Variants in CCDC34 observed in about 807,000 individuals in gnomAD.
CCDC34 encodes coiled-coil domain containing 34.
A neutral mutation model predicts 44.1 loss-of-function variants in CCDC34; 40 were observed. The ratio of observed to expected loss-of-function variants is 0.91; its 90% CI spans 0.70 to 1.18. The LOEUF is 1.18. Among genes scored for constraint, CCDC34 ranks in the 50% most tolerant of loss-of-function variants. The pLI is 0.00. For synonymous variants in CCDC34, 159 were observed against 158.2 expected, an observed-to-expected ratio of 1.01 and a Z score of -0.04; for missense variants, 466 against 452.3, an observed-to-expected ratio of 1.03 and a Z score of -0.28.
intron 3 of CCDC34, among the ~76,000 whole-genome samples, chr11:27,345,489 T>A (rs1349312098): frequency 6.6e-6 from 1 of 152,102 alleles, no homozygotes; most frequent in African/African-American, 2.4e-5. Context: ...CCTGTGTCCA[T>A]GTGTTCTCAT....
At chr11:27,350,573 A>ATATGCTCC in intron 2 of CCDC34, 134 bp from the exon 3 acceptor site, 1 of 760,048 alleles carries the variant, frequency 1.3e-6, no homozygotes, top group Non-Finnish European at 2.0e-6. Context: ...CACTAGTGGC[A>ATATGCTCC]ATAACTTACT....
At chr11:27,349,487 A>T in intron 3 of CCDC34, 1 of 878,854 alleles carries the variant, frequency 1.1e-6, no homozygotes, top group Non-Finnish European at 1.4e-6. Context: ...CAATAAAGAT[A>T]AAAAGTTAGA....
chr11:27,339,126 T>A (rs1265259636), intron 5 of CCDC34, 91 bp from the exon 6 acceptor site: 1 of 883,868 alleles, frequency 1.1e-6, no homozygotes, highest in Admixed American at 2.8e-5. Context: ...TGTTAAAATG[T>A]CAAATGGACA....
At chr11:27,343,645 TTACCTA>T (rs1862394974) in intron 3 of CCDC34, among the ~76,000 whole-genome samples, 1 of 152,214 alleles carries the variant, frequency 6.6e-6, no homozygotes. Context: ...CTCCACAACT[TTACCTA>T]TAAGAAATCA....
rs192701233 is a variant in CCDC34 at position 27,360,983 on chromosome 11, G to A, written c.359+1853C>T. Among the ~76,000 whole-genome samples, 166 of 152,294 alleles carry A rather than the reference G, an allele frequency of 1.1e-3. 1 individual carries two copies. Among genetic ancestry groups the A allele is most frequent in the Non-Finnish European group, 2.0e-3 (137 of 68,014 alleles). ...TCTAAAAATCTACCTTTCCTGAAAG[G>A]AAGTGCTAAGTTTCTGAAGCATTTG... On this transcript the variant is annotated intron_variant, in intron 1 of 5. Transcript: ENST00000328697.
chr11:27,347,295 A>C (rs1316866902), intron 3 of CCDC34, among the ~76,000 whole-genome samples: 1 of 152,188 alleles, frequency 6.6e-6, no homozygotes, highest in Non-Finnish European at 1.5e-5. Context: ...ACTTTAGACA[A>C]ATGTTTGGCA....
chr11:27,361,434 C>T (rs1431439398), intron 1 of CCDC34, among the ~76,000 whole-genome samples: 1 of 152,184 alleles, frequency 6.6e-6, no homozygotes, highest in East Asian at 1.9e-4. Flanking sequence ...TTCCTAAAGC[C>T]TTCAAATTTA....
chr11:27,361,445 C>T (rs1308385886), intron 1 of CCDC34, among the ~76,000 whole-genome samples: 1 of 152,230 alleles, frequency 6.6e-6, no homozygotes, highest in Admixed American at 6.5e-5. Flanking sequence ...TTCAAATTTA[C>T]TTTAAATACC....
intron 3 of CCDC34, chr11:27,349,199 T>A: frequency 2.1e-6 from 2 of 965,952 alleles, no homozygotes; most frequent in Non-Finnish European, 2.5e-6. Flanking sequence ...TAGTTACAAA[T>A]TTCAAAAAGA....
At position 27,340,727 on chromosome 11, in the gene CCDC34, C is replaced by T; in HGVS notation, c.876G>A (p.Lys292=). 6.2e-7 allele frequency: 1 copy of T among 1,613,440 alleles called. No homozygotes were observed. The change falls in exon 5 of 6, where the codon AAG becomes AAA. Residue 292 remains lysine, a synonymous_variant. Transcript: ENST00000328697. Reference sequence around the variant, plus strand: ...GTTTTCCATTGGCATAACCATAGCTCTTTGCAGCTGGACGAGGTTTATGTT... The same window carrying T: ...GTTTTCCATTGGCATAACCATAGCTTTTTGCAGCTGGACGAGGTTTATGTT... ...NAKHKPRPAA[K]SYGYANGKLT...
intron 2 of CCDC34, among the ~76,000 whole-genome samples, chr11:27,353,912 C>A (rs929275620): frequency 6.6e-6 from 1 of 152,112 alleles, no homozygotes; most frequent in Admixed American, 6.5e-5. Flanking sequence ...GAAGCCTTGG[C>A]AAAATTACTT....
intron 3 of CCDC34, among the ~76,000 whole-genome samples, chr11:27,343,334 G>A (rs566922756): frequency 4.6e-5 from 7 of 151,858 alleles, no homozygotes; most frequent in South Asian, 4.2e-4. Context: ...CCCAGGAGGC[G>A]GAGGTTGCAG....
rs1001403863 is a variant in CCDC34, at chr11:27,340,575, T to G, written c.907+121A>C. The stretch of plus-strand genomic sequence containing the variant: ...AACATGACATGTTTATAATATAATC[T>G]TCTGGAAAATAGTAATTTGAAAGAA... On this transcript the variant is annotated intron_variant, in intron 5 of 5. Coordinates refer to ENST00000328697, the MANE Select transcript of CCDC34 (RefSeq NM_030771.2). 7.0e-6 allele frequency: 7 copies of G among 1,000,162 alleles called. No homozygotes were observed. In the African/African-American group the frequency reaches 8.3e-5, roughly 12 times the overall value. 62.0% of individuals were successfully genotyped at this position (1,000,162 alleles called of 1,614,324 possible).
intron 3 of CCDC34, chr11:27,349,600 C>T (rs1296549664): frequency 2.0e-6 from 2 of 981,552 alleles, no homozygotes; most frequent in South Asian, 4.7e-5. Flanking sequence ...GTAAAAATCA[C>T]AACAGAAGAC....
rs191664134 is a variant in CCDC34 at position 27,351,818 on chromosome 11, T to C, written c.499-1379A>G. On this transcript the variant is annotated intron_variant, in intron 2 of 5. Transcript: ENST00000328697. ...CCAGGCTAGTCAGAAATGAGCACCA[T>C]ACAAGGAACAGTGAAAAGATGGCTT... Among the ~76,000 whole-genome samples, 108 of 152,178 alleles carry C rather than the reference T, an allele frequency of 7.1e-4. No homozygotes were observed. The Middle Eastern group carries it at 0.014, about 19-fold the overall frequency.
At position 27,362,729 on chromosome 11, in the gene CCDC34, C is replaced by T. The variant is rs931072746; in HGVS notation, c.359+107G>A. The T allele has an allele frequency of 8.2e-6, 11 of 1,339,422 alleles. No homozygotes were observed. In the African/African-American group the frequency reaches 1.5e-4, roughly 18 times the overall value. The allele number at this position is 1,339,422 out of a possible 1,614,324, so 83.0% of individuals were successfully genotyped here. Reference sequence around the variant, plus strand: ...CCACGGCACCTCAGTCTGCAAGTGCCTGCTCTGCCTTTGGGGCGGAGGGCA... The same window carrying T: ...CCACGGCACCTCAGTCTGCAAGTGCTTGCTCTGCCTTTGGGGCGGAGGGCA... On this transcript the variant is annotated intron_variant, in intron 1 of 5. Transcript: ENST00000328697.
chr11:27,358,765 A>G lies in CCDC34; in HGVS notation c.360-1224T>C, dbSNP rs546002463. On this transcript the variant is annotated intron_variant, in intron 1 of 5. Coordinates refer to ENST00000328697, the MANE Select transcript of CCDC34 (RefSeq NM_030771.2). ...AGATCCTTATTTCCAACTATGTGAT[A>G]CATAACTCAACTTAAATATCAATCA... 4.6e-5 allele frequency among the ~76,000 whole-genome samples: 7 copies of G among 152,248 alleles called. No homozygotes were observed. The South Asian group carries it at 1.5e-3, about 32-fold the overall frequency.
Position 27,356,173 on chromosome 11 carries a change from C to A in CCDC34, c.498+1230G>T, listed in dbSNP as rs572165920. Reference sequence around the variant, plus strand: ...AGCTGGGATTACAGGCATGCACCACCACGCCCAGATAATTTTGTATTTTTA... The same window carrying A: ...AGCTGGGATTACAGGCATGCACCACAACGCCCAGATAATTTTGTATTTTTA... On this transcript the variant is annotated intron_variant, in intron 2 of 5. Coordinates refer to ENST00000328697, the MANE Select transcript of CCDC34 (RefSeq NM_030771.2). 7.3e-5 allele frequency among the ~76,000 whole-genome samples: 11 copies of A among 151,724 alleles called. No homozygotes were observed. In the East Asian group the frequency reaches 2.1e-3, roughly 29 times the overall value.
At position 27,359,248 on chromosome 11, in the gene CCDC34, C is replaced by T. The variant is rs945734545; in HGVS notation, c.360-1707G>A. Among the ~76,000 whole-genome samples, 7 of 152,156 alleles carry T rather than the reference C, an allele frequency of 4.6e-5. No individual in the cohort carries two copies. The East Asian group carries it at 1.2e-3, about 25-fold the overall frequency. ...TTAGCCTGACACCCATGAATCTGCC[C>T]TTTGCCTATCTTCCAGCCTCTTCTT... On this transcript the variant is annotated intron_variant, in intron 1 of 5. Coordinates refer to ENST00000328697, the MANE Select transcript of CCDC34 (RefSeq NM_030771.2).
Sources: allele counts gnomAD v4.1 joint callset (sites outside exome capture counted in the v4.1 genomes callset), GRCh38; gene constraint gnomAD v4.1.1; transcripts MANE v1.5; gene names NCBI Gene and HGNC (gene_info 2026-07-23, HGNC 2026-07-21).